Variants in FAM76A observed in about 807,000 individuals in gnomAD.
FAM76A encodes protein FAM76A.
FAM76A carries 32 observed loss-of-function variants against 46.2 expected under a neutral mutation model. The observed-to-expected ratio is 0.69, with a 90% CI of 0.52 to 0.93. FAM76A has a LOEUF of 0.93. Among genes scored for constraint, FAM76A ranks in the 40% least tolerant of loss-of-function variants. The pLI, the probability that FAM76A is intolerant of heterozygous loss-of-function variation, is 0.00. For synonymous variants in FAM76A, 137 were observed against 127.0 expected, an observed-to-expected ratio of 1.08 and a Z score of -0.53; for missense variants, 274 against 361.5, an observed-to-expected ratio of 0.76 and a Z score of 1.96.
intron 2 of FAM76A, among the ~76,000 whole-genome samples, chr1:27,731,198 A>ATTTT (rs34236376): frequency 4.6e-5 from 5 of 109,824 alleles, no homozygotes; most frequent in Admixed American, 1.9e-4. Flanking sequence ...AGAAATCAGA[A>ATTTT]TTTTTTTTTT....
chr1:27,747,917 C>G (rs2088266440), intron 5 of FAM76A, among the ~76,000 whole-genome samples: 1 of 151,508 alleles, frequency 6.6e-6, no homozygotes, highest in South Asian at 2.1e-4. Flanking sequence ...GAGACTCCAT[C>G]TCAAAAAAAT....
At chr1:27,740,258 T>G in intron 4 of FAM76A, 2 of 719,476 alleles carry the variant, frequency 2.8e-6, no homozygotes, top group Non-Finnish European at 5.2e-6. Flanking sequence ...AGGCTTTGAT[T>G]GAAGACATTT....
Position 27,760,528 on chromosome 1 carries a change from G to A in FAM76A, c.871G>A (p.Ala291Thr). The A allele has an allele frequency of 6.2e-7, 1 of 1,612,278 alleles. No homozygotes were observed. Among genetic ancestry groups the A allele is most frequent in the Non-Finnish European group, 8.5e-7 (1 of 1,178,930 alleles). Residue 291 changes from alanine to threonine, a missense_variant, in exon 9 of 9, where the codon GCT (alanine) becomes ACT (threonine). Ala to Thr is a moderately conservative substitution (Grantham distance 58). Transcript: ENST00000373954. ...KNRELLKQAA[A>T]LSKSKKSEKS... The stretch of plus-strand genomic sequence containing the variant: ...CCGAGAGCTCCTGAAGCAGGCAGCT[G>A]CTTTGTCCAAGAGCAAGAAGTCAGA...
At chr1:27,743,989 C>T (rs562383960) in intron 4 of FAM76A, among the ~76,000 whole-genome samples, 67 of 152,068 alleles carry the variant, frequency 4.4e-4, no homozygotes, top group African/African-American at 1.5e-3. Context: ...AATTCATCTT[C>T]TGTCTTCTCT....
intron 8 of FAM76A, 96 bp from the exon 9 acceptor site, chr1:27,760,399 A>T (rs1001193751): frequency 1.1e-6 from 1 of 918,050 alleles, no homozygotes; most frequent in African/African-American, 1.7e-5. Flanking sequence ...CTGACCCTCC[A>T]CATTGTCTGC....
At chr1:27,757,093 C>T (rs1392165505) in intron 7 of FAM76A, among the ~76,000 whole-genome samples, 2 of 151,512 alleles carry the variant, frequency 1.3e-5, no homozygotes, top group East Asian at 1.9e-4. Context: ...TCTCATTTTG[C>T]CTTAATATTA....
rs545595486 is a variant in FAM76A, at chr1:27,726,561, T to C, written c.81+400T>C. 3.3e-5 allele frequency among the ~76,000 whole-genome samples: 5 copies of C among 152,136 alleles called. No individual in the cohort carries two copies. The South Asian group carries it at 8.3e-4, about 25-fold the overall frequency. On this transcript the variant is annotated intron_variant, in intron 1 of 8. Coordinates refer to ENST00000373954, the MANE Select transcript of FAM76A (RefSeq NM_152660.3). ...AAAGTTGGGTGCTGCCTTGGAGGAA[T>C]GTGTCGAACTCGGGCTCCTCACGGG...
At position 27,726,017 on chromosome 1, in the gene FAM76A, C is replaced by T. The variant is rs1303430481; in HGVS notation, c.-64C>T. The T allele has an allele frequency of 1.6e-6, 2 of 1,224,170 alleles. No homozygotes were observed. Among genetic ancestry groups the T allele is most frequent in the Non-Finnish European group, 2.1e-6 (2 of 973,320 alleles). 75.8% of individuals were successfully genotyped at this position (1,224,170 alleles called of 1,614,324 possible). ...GCCTGCAGCCGCCGCCGGGTTGTGC[C>T]TCAGACTGTCAGATAAATCGGCGGG... is the stretch of plus-strand genomic sequence containing the variant. On this transcript the variant is annotated 5_prime_UTR_variant, in exon 1 of 9. Transcript: ENST00000373954.
At chr1:27,733,713 G>C (rs1260180910) in intron 3 of FAM76A, among the ~76,000 whole-genome samples, 1 of 152,116 alleles carries the variant, frequency 6.6e-6, no homozygotes, top group East Asian at 1.9e-4. Context: ...GCTGGGCATA[G>C]TGGCAGGCAC....
rs2088496800 is a variant in FAM76A, at chr1:27,760,900, TGTGGTGG to T, written c.*320_*326del. 1 of 127,620 alleles carries T rather than the reference TGTGGTGG, an allele frequency of 7.8e-6. No individual in the cohort carries two copies. The highest frequency in any genetic ancestry group is 3.3e-5 in the African/African-American group (1 of 30,590). 7.9% of individuals were successfully genotyped at this position (127,620 alleles called of 1,614,324 possible). A position where few individuals can be genotyped will look rare whatever the true frequency, so the allele number is the denominator to read the frequency against. ...TTCTTTTTTTTTTTTTTTTTTTTTT[TGTGGTGG>T]TCACTGCTCAGTGTAATGTGCAGAA... On this transcript the variant is annotated 3_prime_UTR_variant, in exon 9 of 9. Transcript: ENST00000373954.
chr1:27,730,642 T>C (rs969986313), intron 2 of FAM76A, among the ~76,000 whole-genome samples: 7 of 152,228 alleles, frequency 4.6e-5, no homozygotes, highest in Admixed American at 2.0e-4. Flanking sequence ...AGAGATTTCT[T>C]TGAATGTCCT....
chr1:27,755,832 C>T (rs966805776), intron 7 of FAM76A, among the ~76,000 whole-genome samples: 3 of 152,196 alleles, frequency 2.0e-5, no homozygotes, highest in African/African-American at 2.4e-5. Flanking sequence ...ATTTTAGCCT[C>T]CCAAAGTGCT....
intron 6 of FAM76A, among the ~76,000 whole-genome samples, chr1:27,753,753 G>T (rs1410578723): frequency 1.3e-5 from 2 of 152,214 alleles, no homozygotes; most frequent in Non-Finnish European, 2.9e-5. Context: ...TTCTTCCTGT[G>T]TAGAGAAATG....
intron 4 of FAM76A, among the ~76,000 whole-genome samples, chr1:27,735,110 G>T (rs573042935): frequency 6.6e-6 from 1 of 152,320 alleles, no homozygotes; most frequent in South Asian, 2.1e-4. Context: ...CCACCCTGTA[G>T]TCTGTCTGAC....
At chr1:27,736,810 A>G (rs531868499) in intron 4 of FAM76A, among the ~76,000 whole-genome samples, 1 of 151,682 alleles carries the variant, frequency 6.6e-6, no homozygotes, top group East Asian at 1.9e-4. Context: ...ATGGGGTTTC[A>G]CCATGTTGGC....
At chr1:27,738,231 C>T (rs544026369) in intron 4 of FAM76A, among the ~76,000 whole-genome samples, 52 of 152,062 alleles carry the variant, frequency 3.4e-4, no homozygotes, top group African/African-American at 1.2e-3. Flanking sequence ...GTGGCTCACG[C>T]CTGTAATCCC....
chr1:27,736,694 T>G (rs1263338584), intron 4 of FAM76A, among the ~76,000 whole-genome samples: 1 of 151,932 alleles, frequency 6.6e-6, no homozygotes, highest in African/African-American at 2.4e-5. Flanking sequence ...TTCAAGTGAT[T>G]CTCCTACCTC....
chr1:27,742,156 C>G (rs2088166053), intron 4 of FAM76A, among the ~76,000 whole-genome samples: 1 of 152,250 alleles, frequency 6.6e-6, no homozygotes, highest in Admixed American at 6.5e-5. Context: ...GTGGCCTACC[C>G]ATGTTCAAGA....
intron 1 of FAM76A, among the ~76,000 whole-genome samples, chr1:27,726,794 G>C (rs965247620): frequency 2.0e-5 from 3 of 152,170 alleles, no homozygotes; most frequent in Non-Finnish European, 4.4e-5. Flanking sequence ...CTGCTGATCA[G>C]TTTTTGCTCC....
Sources: allele counts gnomAD v4.1 joint callset (sites outside exome capture counted in the v4.1 genomes callset), GRCh38; gene constraint gnomAD v4.1.1; transcripts MANE v1.5; gene names NCBI Gene and HGNC (gene_info 2026-07-23, HGNC 2026-07-21).